CNTNAP2: variants seen among roughly 807,000 people sequenced by gnomAD.
CNTNAP2 encodes the protein contactin associated protein 2.
Under a neutral mutation model 155.2 loss-of-function variants are expected in CNTNAP2, and 98 were observed. That is an observed-to-expected ratio of 0.63 (90% confidence interval 0.54 to 0.75). The LOEUF (loss-of-function observed/expected upper bound fraction) is 0.75, where lower values mean the gene tolerates loss of function less well. Among genes scored for constraint, CNTNAP2 ranks in the 30% least tolerant of loss-of-function variants. The pLI is 0.00. For missense variants in CNTNAP2, 1,727 were observed against 1,688.1 expected (o/e 1.02, Z -0.40); for synonymous variants, 651 against 631.2 (o/e 1.03, Z -0.47).
At chr7:146,511,287 C>G (rs910531431) in intron 1 of CNTNAP2, among the ~76,000 whole-genome samples, 23 of 152,300 alleles carry the variant, frequency 1.5e-4, no homozygotes, top group African/African-American at 5.3e-4. Flanking sequence ...ATTTCTTTCT[C>G]AAACCTAATT....
intron 2 of CNTNAP2, among the ~76,000 whole-genome samples, chr7:146,775,425 A>C (rs1409497500): frequency 2.0e-5 from 3 of 152,096 alleles, no homozygotes; most frequent in Non-Finnish European, 2.9e-5. Context: ...TAAATATATA[A>C]ATTTTTTGTG....
chr7:146,734,304 T>G (rs1474710329), intron 1 of CNTNAP2, among the ~76,000 whole-genome samples: 1 of 152,014 alleles, frequency 6.6e-6, no homozygotes, highest in Admixed American at 6.6e-5. Flanking sequence ...TATAAATATA[T>G]AGAGAGTTAA....
chr7:146,707,444 GAATC>G (rs1340293122), intron 1 of CNTNAP2, among the ~76,000 whole-genome samples: 5 of 152,102 alleles, frequency 3.3e-5, no homozygotes, highest in Non-Finnish European at 7.4e-5. Flanking sequence ...GATCTCAACA[GAATC>G]AATAAGGTAA....
At chr7:147,113,718 G>A (rs111843137) in intron 5 of CNTNAP2, among the ~76,000 whole-genome samples, 5,096 of 152,190 alleles carry the variant, frequency 0.033, 258 homozygotes, top group African/African-American at 0.11. Flanking sequence ...TTCAAGATAC[G>A]ATTTGGGTGG....
chr7:146,907,023 G>A (rs1188958183), intron 3 of CNTNAP2, among the ~76,000 whole-genome samples: 25 of 150,576 alleles, frequency 1.7e-4, no homozygotes, highest in Admixed American at 4.6e-4. Context: ...CTCAGGAGCC[G>A]ATGCGATCAA....
At chr7:148,273,537 G>T (rs771740521) in intron 21 of CNTNAP2, among the ~76,000 whole-genome samples, 2 of 152,090 alleles carry the variant, frequency 1.3e-5, no homozygotes, top group African/African-American at 4.8e-5. Flanking sequence ...TTCTGCCATC[G>T]CTGTAAATCA....
chr7:147,132,784 T>C (rs1801403424), intron 8 of CNTNAP2, among the ~76,000 whole-genome samples: 1 of 152,122 alleles, frequency 6.6e-6, no homozygotes, highest in Non-Finnish European at 1.5e-5. Context: ...AATAGATAAA[T>C]TGCTCTTCTT....
intron 11 of CNTNAP2, among the ~76,000 whole-genome samples, chr7:147,520,186 C>T (rs1475152655): frequency 6.6e-6 from 1 of 152,102 alleles, no homozygotes; most frequent in Non-Finnish European, 1.5e-5. Flanking sequence ...AACACGAATA[C>T]TTGGCAGCCA....
chr7:146,843,233 C>T (rs1210029832), intron 3 of CNTNAP2, among the ~76,000 whole-genome samples: 2 of 142,956 alleles, frequency 1.4e-5, no homozygotes, highest in South Asian at 2.2e-4. Flanking sequence ...AGGATGGTCT[C>T]GATCTCCTGA....
chr7:147,312,944 G>C (rs1795152719), intron 9 of CNTNAP2, among the ~76,000 whole-genome samples: 1 of 136,420 alleles, frequency 7.3e-6, no homozygotes, highest in South Asian at 2.5e-4. Context: ...AGTTTTTAAT[G>C]ATCGCCATTC....
intron 1 of CNTNAP2, among the ~76,000 whole-genome samples, chr7:146,123,553 G>A (rs1157323371): frequency 1.3e-5 from 2 of 152,122 alleles, no homozygotes; most frequent in Non-Finnish European, 2.9e-5. Flanking sequence ...TTAAATTCAG[G>A]AAGGATTTGT....
At chr7:147,990,226 G>A (rs1801687238) in intron 15 of CNTNAP2, among the ~76,000 whole-genome samples, 1 of 152,202 alleles carries the variant, frequency 6.6e-6, no homozygotes, top group Non-Finnish European at 1.5e-5. Flanking sequence ...AGAGACAAGA[G>A]CTTGCATGTC....
At chr7:147,774,575 G>T (rs1286276894) in intron 13 of CNTNAP2, among the ~76,000 whole-genome samples, 1 of 152,144 alleles carries the variant, frequency 6.6e-6, no homozygotes, top group Non-Finnish European at 1.5e-5. Flanking sequence ...AGGTCATAAG[G>T]GTAGGGACCT....
At chr7:147,286,342 A>C (rs982409473) in intron 8 of CNTNAP2, among the ~76,000 whole-genome samples, 3 of 152,112 alleles carry the variant, frequency 2.0e-5, no homozygotes, top group Non-Finnish European at 2.9e-5. Context: ...AAATGATACA[A>C]TAACAATCTT....
chr7:147,663,882 A>G (rs113173346), intron 13 of CNTNAP2, among the ~76,000 whole-genome samples: 7,636 of 152,228 alleles, frequency 0.05, 633 homozygotes, highest in African/African-American at 0.17. Flanking sequence ...TGGTTCATTT[A>G]TTTACTTATT....
intron 1 of CNTNAP2, among the ~76,000 whole-genome samples, chr7:146,195,831 A>G (rs191687946): frequency 5.4e-4 from 83 of 152,338 alleles, no homozygotes; most frequent in African/African-American, 2.0e-3. Context: ...AGCATTTGAA[A>G]AGGATTTGTA....
chr7:146,186,304 C>T (rs1437672696), intron 1 of CNTNAP2, among the ~76,000 whole-genome samples: 1 of 152,202 alleles, frequency 6.6e-6, no homozygotes, highest in Non-Finnish European at 1.5e-5. Context: ...ACAGCAGCAA[C>T]AAAAGCAACA....
At chr7:147,380,259 T>TG (rs1198093426) in intron 9 of CNTNAP2, among the ~76,000 whole-genome samples, 1 of 151,410 alleles carries the variant, frequency 6.6e-6, no homozygotes, top group African/African-American at 2.4e-5. Context: ...ATTATAATCT[T>TG]GAAAAAAAAA....
At chr7:147,089,767 A>G (rs1315473959) in intron 4 of CNTNAP2, among the ~76,000 whole-genome samples, 1 of 152,166 alleles carries the variant, frequency 6.6e-6, no homozygotes, top group Non-Finnish European at 1.5e-5. Flanking sequence ...GCAAATTCAT[A>G]AGCTATAAAG....
Sources: gnomAD v4.1 joint callset for allele counts (sites outside exome capture counted in the v4.1 genomes callset) on GRCh38, gnomAD v4.1.1 for gene constraint, MANE v1.5 for transcripts, NCBI Gene and HGNC (gene_info 2026-07-23, HGNC 2026-07-21) for gene names.